Variants in KRTAP9-3 observed in about 807,000 individuals in gnomAD.
KRTAP9-3 encodes keratin associated protein 9-3.
A neutral mutation model predicts 13.0 loss-of-function variants in KRTAP9-3; 12 were observed. The observed-to-expected ratio is 0.93, with a 90% CI of 0.59 to 1.50. The LOEUF (loss-of-function observed/expected upper bound fraction) is 1.50, where lower values mean the gene tolerates loss of function less well. Among genes scored for constraint, KRTAP9-3 ranks in the 40% most tolerant of loss-of-function variants. The pLI is 0.00. For missense variants in KRTAP9-3, 232 were observed against 195.2 expected (o/e 1.19, Z -1.12); for synonymous variants, 89 against 68.7 (o/e 1.29, Z -1.46).
rs1399597708 is a variant in KRTAP9-3 at position 41,233,311 on chromosome 17, G to A, written c.*330G>A. ...TTTCTGCAACTGATCAATCATCTTT[G>A]CAATTATATTTTCATTTTAAATATC... On this transcript the variant is annotated 3_prime_UTR_variant, in exon 1 of 1. Coordinates refer to ENST00000411528, the MANE Select transcript of KRTAP9-3 (RefSeq NM_031962.3). The A allele has an allele frequency of 6.9e-6, 3 of 432,988 alleles. No individual in the cohort carries two copies. The highest frequency in any genetic ancestry group is 8.3e-6 in the Non-Finnish European group (2 of 240,256). 26.8% of individuals were successfully genotyped at this position (432,988 alleles called of 1,614,324 possible). A position where few individuals can be genotyped will look rare whatever the true frequency, so the allele number is the denominator to read the frequency against.
chr17:41,233,261 A>T lies in KRTAP9-3; in HGVS notation c.*280A>T, dbSNP rs1478946529. On this transcript the variant is annotated 3_prime_UTR_variant, in exon 1 of 1. Transcript: ENST00000411528. ...CTTTGTCTCAAAAATCAAGAGCTTC[A>T]TTCTTTGCTTCTAAGGAATTTAGGT... The T allele has an allele frequency of 1.8e-6, 1 of 568,168 alleles. No homozygotes were observed. The highest frequency in any genetic ancestry group is 3.1e-6 in the Non-Finnish European group (1 of 325,164). 35.2% of individuals were successfully genotyped at this position (568,168 alleles called of 1,614,324 possible).
chr17:41,232,940 C>G lies in KRTAP9-3; in HGVS notation c.439C>G (p.Pro147Ala). The stretch of plus-strand genomic sequence containing the variant: ...CTGCTGCAGGACCACTTGTTTCCAG[C>G]CCACCTGTGTGTACAGCTGCTGCCA... Reference protein sequence around the residue: ...TTCCRTTCFQPTCVYSCCQPS... With the variant: ...TTCCRTTCFQATCVYSCCQPS... Residue 147 changes from proline to alanine, a missense_variant, in exon 1 of 1, where the codon CCC becomes GCC. Physicochemically the swap from Pro to Ala is conservative, Grantham distance 27 (BLOSUM62 -1). Coordinates refer to ENST00000411528, the MANE Select transcript of KRTAP9-3 (RefSeq NM_031962.3). 6.2e-7 allele frequency: 1 copy of G among 1,608,622 alleles called. No homozygotes were observed. The highest frequency in any genetic ancestry group is 1.1e-5 in the South Asian group (1 of 91,068).
At position 41,232,707 on chromosome 17, in the gene KRTAP9-3, G is replaced by A. The variant is rs1304804837; in HGVS notation, c.206G>A (p.Ser69Asn). The change falls in exon 1 of 1, where the codon AGC becomes AAC. Residue 69 changes from serine (S) to asparagine (N), a missense_variant. Ser to Asn is a conservative substitution (Grantham distance 46, BLOSUM62 1). Transcript: ENST00000411528. ...TTCCQPICVT[S>N]CCQPSCCSTP... ...TGCTGCCAGCCCATCTGTGTGACCA[G>A]CTGCTGCCAGCCTTCCTGCTGTAGC... is the stretch of plus-strand genomic sequence containing the variant. 4 of 1,608,090 alleles carry A rather than the reference G, an allele frequency of 2.5e-6. No homozygotes were observed. The highest frequency in any genetic ancestry group is 4.5e-5 in the East Asian group (2 of 44,880).
rs371503326 is a variant in KRTAP9-3, at chr17:41,232,951, G to A, written c.450G>A (p.Val150=). The A allele has an allele frequency of 3.7e-6, 6 of 1,608,506 alleles. No individual in the cohort carries two copies. The highest frequency in any genetic ancestry group is 4.2e-6 in the Non-Finnish European group (5 of 1,179,792). Reference sequence around the variant, plus strand: ...CCACTTGTTTCCAGCCCACCTGTGTGTACAGCTGCTGCCAGCCTTCTTGCT... The same window carrying A: ...CCACTTGTTTCCAGCCCACCTGTGTATACAGCTGCTGCCAGCCTTCTTGCT... ...CRTTCFQPTC[V]YSCCQPSCC Residue 150 remains valine, a synonymous_variant, in exon 1 of 1, where the codon GTG becomes GTA. Coordinates refer to ENST00000411528, the MANE Select transcript of KRTAP9-3 (RefSeq NM_031962.3).
At position 41,233,047 on chromosome 17, in the gene KRTAP9-3, G is replaced by A. The variant is rs1435308257; in HGVS notation, c.*66G>A. ...CAGCTCAACTGACTTGTCTTTTGAG[G>A]GACTAATTTACTTTGCTGCTGACAG... On this transcript the variant is annotated 3_prime_UTR_variant, in exon 1 of 1. Transcript: ENST00000411528. 6.3e-6 allele frequency: 10 copies of A among 1,585,044 alleles called. No homozygotes were observed. The highest frequency in any genetic ancestry group is 2.9e-5 in the African/African-American group (2 of 68,848).
rs2015897837 is a variant in KRTAP9-3 at position 41,233,305 on chromosome 17, A to G, written c.*324A>G. ...TTTAGGTTTCTGCAACTGATCAATC[A>G]TCTTTGCAATTATATTTTCATTTTA... On this transcript the variant is annotated 3_prime_UTR_variant, in exon 1 of 1. Coordinates refer to ENST00000411528, the MANE Select transcript of KRTAP9-3 (RefSeq NM_031962.3). 2.2e-6 allele frequency: 1 copy of G among 449,404 alleles called. No individual in the cohort carries two copies. Among genetic ancestry groups the G allele is most frequent in the Admixed American group, 4.0e-5 (1 of 24,862 alleles). The allele number at this position is 449,404 out of a possible 1,614,324, so 27.8% of individuals were successfully genotyped here.
At position 41,233,059 on chromosome 17, in the gene KRTAP9-3, T is replaced by C. The variant is rs2015891634; in HGVS notation, c.*78T>C. ...CTTGTCTTTTGAGGGACTAATTTAC[T>C]TTGCTGCTGACAGCCACCATGCTCT... On this transcript the variant is annotated 3_prime_UTR_variant, in exon 1 of 1. Transcript: ENST00000411528. 9 of 1,572,590 alleles carry C rather than the reference T, an allele frequency of 5.7e-6. No homozygotes were observed. The highest frequency in any genetic ancestry group is 2.2e-5 in the East Asian group (1 of 44,556).
Position 41,232,475 on chromosome 17 carries a change from A to G in KRTAP9-3, c.-27A>G, listed in dbSNP as rs762665689. Reference sequence around the variant, plus strand: ...GATTTTGGGAAACTCACCTCTTAACAGAAGCCCACCCTCCATCCCTGACAC... The same window carrying G: ...GATTTTGGGAAACTCACCTCTTAACGGAAGCCCACCCTCCATCCCTGACAC... On this transcript the variant is annotated 5_prime_UTR_variant, in exon 1 of 1. Transcript: ENST00000411528. The G allele has an allele frequency of 5.6e-6, 9 of 1,602,144 alleles. 1 individual carries two copies. In the African/African-American group the frequency reaches 7.2e-5, roughly 13 times the overall value.
At position 41,232,978 on chromosome 17, in the gene KRTAP9-3, C is replaced by T. The variant is rs751597750; in HGVS notation, c.477C>T (p.Cys159=). The T allele has an allele frequency of 6.8e-6, 11 of 1,608,512 alleles. No individual in the cohort carries two copies. Among genetic ancestry groups the T allele is most frequent in the East Asian group, 2.2e-5 (1 of 44,902 alleles). ...CVYSCCQPSC[C] ...ACAGCTGCTGCCAGCCTTCTTGCTG[C>T]TAATCAACTCCCAAGAGAACTACCA... Residue 159 remains cysteine (C), a synonymous_variant, in exon 1 of 1, where the codon TGC becomes TGT. Coordinates refer to ENST00000411528, the MANE Select transcript of KRTAP9-3 (RefSeq NM_031962.3).
chr17:41,233,194 G>C lies in KRTAP9-3; in HGVS notation c.*213G>C, dbSNP rs1357043884. 2 of 856,202 alleles carry C rather than the reference G, an allele frequency of 2.3e-6. No individual in the cohort carries two copies. Among genetic ancestry groups the C allele is most frequent in the Non-Finnish European group, 3.6e-6 (2 of 560,212 alleles). The allele number at this position is 856,202 out of a possible 1,614,324, so 53.0% of individuals were successfully genotyped here. On this transcript the variant is annotated 3_prime_UTR_variant, in exon 1 of 1. Transcript: ENST00000411528. ...TCTTTCCTTACACCTTGTGGATCAT[G>C]TGCCAGCTTCGTCTGTTCTTAATTT... is the stretch of plus-strand genomic sequence containing the variant.
Position 41,232,547 on chromosome 17 carries a change from A to G in KRTAP9-3, c.46A>G (p.Thr16Ala). 1 of 1,603,776 alleles carries G rather than the reference A, an allele frequency of 6.2e-7. No individual in the cohort carries two copies. Among genetic ancestry groups the G allele is most frequent in the Non-Finnish European group, 8.5e-7 (1 of 1,177,398 alleles). Residue 16 changes from threonine to alanine, a missense_variant, in exon 1 of 1, where the codon ACC (threonine) becomes GCC (alanine). Transcript: ENST00000411528. Reference protein sequence around the residue: ...SPCCQPTCCRTTCWQPTTVTT... With the variant: ...SPCCQPTCCRATCWQPTTVTT... ...TTGCTGTCAGCCTACCTGCTGCAGG[A>G]CCACCTGCTGGCAGCCCACCACTGT...
Position 41,232,999 on chromosome 17 carries a change from T to C in KRTAP9-3, c.*18T>C, listed in dbSNP as rs202034239. On this transcript the variant is annotated 3_prime_UTR_variant, in exon 1 of 1. Coordinates refer to ENST00000411528, the MANE Select transcript of KRTAP9-3 (RefSeq NM_031962.3). ...GCTGCTAATCAACTCCCAAGAGAAC[T>C]ACCATCCTCACACAACAACCTTCAG... 1.4e-3 allele frequency: 2,277 copies of C among 1,604,412 alleles called. 37 individuals are homozygous for C. Among genetic ancestry groups the C allele is most frequent in the Non-Finnish European group, 1.8e-3 (2,092 of 1,176,428 alleles).
At position 41,233,057 on chromosome 17, in the gene KRTAP9-3, A is replaced by T; in HGVS notation, c.*76A>T. Reference sequence around the variant, plus strand: ...GACTTGTCTTTTGAGGGACTAATTTACTTTGCTGCTGACAGCCACCATGCT... The same window carrying T: ...GACTTGTCTTTTGAGGGACTAATTTTCTTTGCTGCTGACAGCCACCATGCT... On this transcript the variant is annotated 3_prime_UTR_variant, in exon 1 of 1. Coordinates refer to ENST00000411528, the MANE Select transcript of KRTAP9-3 (RefSeq NM_031962.3). The T allele has an allele frequency of 6.4e-7, 1 of 1,574,626 alleles. No homozygotes were observed. The highest frequency in any genetic ancestry group is 8.6e-7 in the Non-Finnish European group (1 of 1,161,558).
Position 41,232,876 on chromosome 17 carries a change from C to T in KRTAP9-3, c.375C>T (p.Cys125=), listed in dbSNP as rs1345399364. 1 of 1,608,492 alleles carries T rather than the reference C, an allele frequency of 6.2e-7. No individual in the cohort carries two copies. Among genetic ancestry groups the T allele is most frequent in the East Asian group, 2.2e-5 (1 of 44,896 alleles). The change falls in exon 1 of 1, where the codon TGC becomes TGT. Residue 125 remains cysteine (C), a synonymous_variant. Coordinates refer to ENST00000411528, the MANE Select transcript of KRTAP9-3 (RefSeq NM_031962.3). Reference sequence around the variant, plus strand: ...TAAACCAGAGCTGTGGCTCCAACTGCTGCCAGCCCTGCTGCCGCCCAGCCT... The same window carrying T: ...TAAACCAGAGCTGTGGCTCCAACTGTTGCCAGCCCTGCTGCCGCCCAGCCT... ...GCLNQSCGSN[C]CQPCCRPACC...
Sources: allele counts gnomAD v4.1 joint callset, GRCh38; gene constraint gnomAD v4.1.1; transcripts MANE v1.5; gene names NCBI Gene and HGNC (gene_info 2026-07-23, HGNC 2026-07-21).